The following PIEZO2 variants were observed in gnomAD, a reference collection of about 807,000 sequenced individuals.
PIEZO2 encodes the protein piezo type mechanosensitive ion channel component 2.
In PIEZO2, 172 loss-of-function variants were observed where a neutral mutation model predicts 337.3. The ratio of observed to expected loss-of-function variants is 0.51; its 90% CI spans 0.45 to 0.58. PIEZO2 has a LOEUF of 0.58. Among genes scored for constraint, PIEZO2 ranks in the 20% least tolerant of loss-of-function variants. PIEZO2 has a pLI of 0.00. For missense variants in PIEZO2, 3,028 were observed against 3,391.3 expected, an observed-to-expected ratio of 0.89 and a Z score of 2.66; for synonymous variants, 1,251 against 1,228.5, an observed-to-expected ratio of 1.02 and a Z score of -0.38.
At chr18:10,721,626 G>C (rs1213064219) in intron 36 of PIEZO2, among the ~76,000 whole-genome samples, 1 of 151,540 alleles carries the variant, frequency 6.6e-6, no homozygotes, top group Non-Finnish European at 1.5e-5. Context: ...AAATTAAAAC[G>C]AACTCTATAG....
intron 3 of PIEZO2, among the ~76,000 whole-genome samples, chr18:10,958,438 T>A (rs1164488911): frequency 6.6e-6 from 1 of 152,164 alleles, no homozygotes. Flanking sequence ...AAGTTTCAGT[T>A]AGACTGAAGA....
chr18:11,078,398 C>T lies in PIEZO2; in HGVS notation c.65-12176G>A, dbSNP rs72874227. ...CACGAAAAGAAATCAATTCAACTAA[C>T]TATAATGCAGTCCTATTTCTTCTAT... On this transcript the variant is annotated intron_variant, in intron 1 of 55. Coordinates refer to ENST00000674853, the MANE Select transcript of PIEZO2 (RefSeq NM_001378183.1). The surrounding 1 kb of genome is among the most constrained non-coding windows in gnomAD (Gnocchi z 5.3). Among the ~76,000 whole-genome samples, 13,769 of 152,236 alleles carry T rather than the reference C, an allele frequency of 0.09. 640 individuals are homozygous for T. Among genetic ancestry groups the T allele is most frequent in the Middle Eastern group, 0.15 (43 of 292 alleles).
At position 10,772,587 on chromosome 18, in the gene PIEZO2, C is replaced by T. The variant is rs536277548; in HGVS notation, c.2785+825G>A. On this transcript the variant is annotated intron_variant, in intron 20 of 55. Transcript: ENST00000674853. ...GGCACAAACCTTTGGAAGGGGTCTT[C>T]TTGCTACTTTTTTTGTTTTCTACTT... 9.5e-4 allele frequency among the ~76,000 whole-genome samples: 144 copies of T among 152,288 alleles called. 1 individual carries two copies. Among genetic ancestry groups the T allele is most frequent in the African/African-American group, 3.3e-3 (137 of 41,568 alleles).
At chr18:11,089,976 A>G (rs1223222835) in intron 1 of PIEZO2, among the ~76,000 whole-genome samples, 1 of 152,186 alleles carries the variant, frequency 6.6e-6, no homozygotes, top group Non-Finnish European at 1.5e-5. Context: ...GAAGAGCATA[A>G]GAGTGTAATC....
In PIEZO2 at chr18:10,801,395, A is replaced by G; in HGVS notation, c.1234T>C (p.Ser412Pro). 1.3e-6 allele frequency: 2 copies of G among 1,498,016 alleles called. No homozygotes were observed. The highest frequency in any genetic ancestry group is 1.8e-6 in the Non-Finnish European group (2 of 1,110,934). The allele number at this position is 1,498,016 out of a possible 1,614,324, so 92.8% of individuals were successfully genotyped here. ...LSMTQDDYKP[S>P]DGLLVTVNGN... is the part of the protein sequence containing the mutation. ...AATTCTAAGGGTATACTAACATCAGATGGTTTGTAGTCATCCTGGGTCATG... is the reference window on the plus strand; with the variant it reads ...AATTCTAAGGGTATACTAACATCAGGTGGTTTGTAGTCATCCTGGGTCATG... The change falls in exon 10 of 56, where the codon TCT becomes CCT. Residue 412 changes from serine to proline, a missense_variant. Coordinates refer to ENST00000674853, the MANE Select transcript of PIEZO2 (RefSeq NM_001378183.1).
rs542318218 is a variant in PIEZO2 at position 11,065,741 on chromosome 18, C to A, written c.160+386G>T. Among the ~76,000 whole-genome samples, 3 of 152,304 alleles carry A rather than the reference C, an allele frequency of 2.0e-5. No individual in the cohort carries two copies. In the South Asian group the frequency reaches 6.2e-4, roughly 32 times the overall value. ...CTCATAAATATCAAATGCTGCTCGG[C>A]CTCTTCCAGTTGCCACCACACTCTC... On this transcript the variant is annotated intron_variant, in intron 2 of 55. Coordinates refer to ENST00000674853, the MANE Select transcript of PIEZO2 (RefSeq NM_001378183.1).
chr18:10,731,585 C>T lies in PIEZO2; in HGVS notation c.4915-64G>A, dbSNP rs1164503669. 3 of 1,019,898 alleles carry T rather than the reference C, an allele frequency of 2.9e-6. No individual in the cohort carries two copies. In the Admixed American group the frequency reaches 1.0e-4, roughly 35 times the overall value. 63.2% of individuals were successfully genotyped at this position (1,019,898 alleles called of 1,614,324 possible). ...TAATTTGAAATAAAAGGGACCTACA[C>T]CAAGCTTCCTGACTTTTGAAATATT... On this transcript the variant is annotated intron_variant, in intron 35 of 55. Transcript: ENST00000674853.
At position 11,080,422 on chromosome 18, in the gene PIEZO2, C is replaced by T. The variant is rs1328970117; in HGVS notation, c.65-14200G>A. On this transcript the variant is annotated intron_variant, in intron 1 of 55. Transcript: ENST00000674853. The surrounding 1 kb of genome is among the most constrained non-coding windows in gnomAD (Gnocchi z 5.4). Reference sequence around the variant, plus strand: ...TACTTCCTTGATTAGACTGTAACCCCCTTAAGAGTAGGGCTTTGCCACTGC... The same window carrying T: ...TACTTCCTTGATTAGACTGTAACCCTCTTAAGAGTAGGGCTTTGCCACTGC... Among the ~76,000 whole-genome samples, 1 of 152,216 alleles carries T rather than the reference C, an allele frequency of 6.6e-6. No homozygotes were observed. Among genetic ancestry groups the T allele is most frequent in the Non-Finnish European group, 1.5e-5 (1 of 68,038 alleles).
At position 11,078,528 on chromosome 18, in the gene PIEZO2, G is replaced by A. The variant is rs751449775; in HGVS notation, c.65-12306C>T. On this transcript the variant is annotated intron_variant, in intron 1 of 55. Transcript: ENST00000674853. This position sits in a 1 kb window ranked among gnomAD's most constrained non-coding sequence, Gnocchi z 5.3. ...TGATGAATTTACTTTGACATTGTCT[G>A]CTTCTTCCTGGGAACATCCTCTTCC... Among the ~76,000 whole-genome samples, 34 of 152,146 alleles carry A rather than the reference G, an allele frequency of 2.2e-4. No homozygotes were observed. The highest frequency in any genetic ancestry group is 3.8e-4 in the Non-Finnish European group (26 of 68,034).
At position 10,784,894 on chromosome 18, in the gene PIEZO2, T is replaced by C; in HGVS notation, c.2382A>G (p.Pro794=). 2 of 1,537,536 alleles carry C rather than the reference T, an allele frequency of 1.3e-6. No homozygotes were observed. The highest frequency in any genetic ancestry group is 1.7e-6 in the Non-Finnish European group (2 of 1,146,962). ...VAELFTRIFI[P]TSFLLVCILH... ...AAATGCACACCAGCAGAAAGGAGGTTGGGATGAATATGCGAGTGAATAGTT... is the reference window on the plus strand; with the variant it reads ...AAATGCACACCAGCAGAAAGGAGGTCGGGATGAATATGCGAGTGAATAGTT... The change falls in exon 17 of 56, where the codon CCA becomes CCG. Residue 794 remains proline, a synonymous_variant. Transcript: ENST00000674853. This position sits in a 1 kb window ranked among gnomAD's most constrained non-coding sequence, Gnocchi z 4.5.
intron 1 of PIEZO2, among the ~76,000 whole-genome samples, chr18:11,124,266 C>T (rs540611772): frequency 1.3e-5 from 2 of 152,274 alleles, no homozygotes; most frequent in African/African-American, 2.4e-5. Context: ...GTAATCAGAT[C>T]GTTTGGCTAC....
rs985181086 is a variant in PIEZO2 at position 11,146,886 on chromosome 18, G to A, written c.64+1639C>T. Among the ~76,000 whole-genome samples, 10 of 152,190 alleles carry A rather than the reference G, an allele frequency of 6.6e-5. No individual in the cohort carries two copies. The highest frequency in any genetic ancestry group is 2.4e-4 in the African/African-American group (10 of 41,446). ...ACAGTGGCGAGGAGGACGGTGGATA[G>A]AGGGACTGGGAGGGAGCAGAGCGGC... On this transcript the variant is annotated intron_variant, in intron 1 of 55. Coordinates refer to ENST00000674853, the MANE Select transcript of PIEZO2 (RefSeq NM_001378183.1). The surrounding 1 kb of genome is among the most constrained non-coding windows in gnomAD (Gnocchi z 6.1).
chr18:11,138,033 T>C (rs1183696834), intron 1 of PIEZO2, among the ~76,000 whole-genome samples: 1 of 152,084 alleles, frequency 6.6e-6, no homozygotes, highest in Non-Finnish European at 1.5e-5. Context: ...GAGTATATAT[T>C]AGGCTGTTAT....
At chr18:11,018,012 A>T (rs1247855223) in intron 2 of PIEZO2, among the ~76,000 whole-genome samples, 4 of 152,166 alleles carry the variant, frequency 2.6e-5, no homozygotes, top group Admixed American at 2.6e-4. Flanking sequence ...ACAGAAATGT[A>T]TTGCCTCACT....
At chr18:10,786,392 C>T (rs188728657) in intron 16 of PIEZO2, among the ~76,000 whole-genome samples, 69 of 152,336 alleles carry the variant, frequency 4.5e-4, no homozygotes, top group Admixed American at 1.2e-3. Context: ...ATAGACACTT[C>T]AGCTGTGTTG....
At chr18:10,990,709 G>A (rs748453579) in intron 2 of PIEZO2, among the ~76,000 whole-genome samples, 5 of 150,342 alleles carry the variant, frequency 3.3e-5, no homozygotes, top group Non-Finnish European at 5.9e-5. Flanking sequence ...AAATATATAC[G>A]TGTACACACA....
At chr18:10,797,247 C>A in intron 12 of PIEZO2, 127 bp downstream of exon 12, 1 of 713,314 alleles carries the variant, frequency 1.4e-6, no homozygotes, top group South Asian at 2.2e-5. Flanking sequence ...CATGTCATAT[C>A]ATACATACCA....
At position 10,715,794 on chromosome 18, in the gene PIEZO2, A is replaced by G; in HGVS notation, c.5112T>C (p.Phe1704=). 6.5e-7 allele frequency: 1 copy of G among 1,531,062 alleles called. No individual in the cohort carries two copies. Among genetic ancestry groups the G allele is most frequent in the Non-Finnish European group, 8.8e-7 (1 of 1,142,310 alleles). 94.8% of individuals were successfully genotyped at this position (1,531,062 alleles called of 1,614,324 possible). A position where few individuals can be genotyped will look rare whatever the true frequency, so the allele number is the denominator to read the frequency against. The part of the protein sequence containing the change: ...DGPDNIIKRI[F]NILKFTWVLF... ...GGACCCAGGTAAATTTCAAAATATT[A>G]AATATCCTCTTGATGATATTATCTA... The change falls in exon 38 of 56, where the codon TTT becomes TTC. Residue 1704 remains phenylalanine (F), a synonymous_variant. Coordinates refer to ENST00000674853, the MANE Select transcript of PIEZO2 (RefSeq NM_001378183.1).
rs560879934 is a variant in PIEZO2, at chr18:10,887,409, TATCAC to T, written c.330-15999_330-15995del. 1.7e-3 allele frequency among the ~76,000 whole-genome samples: 252 copies of T among 152,144 alleles called. 1 individual carries two copies. The highest frequency in any genetic ancestry group is 2.9e-3 in the Non-Finnish European group (195 of 67,986). On this transcript the variant is annotated intron_variant, in intron 4 of 55. Transcript: ENST00000674853. ...ATGACCAGATCTACTGAGAACTTGC[TATCAC>T]AAAGACAGCACCAAGCCACGGAGAG...
Sources: allele counts gnomAD v4.1 joint callset (sites outside exome capture counted in the v4.1 genomes callset), GRCh38; gene constraint gnomAD v4.1.1; non-coding constraint Gnocchi (gnomAD v3.1); transcripts MANE v1.5; gene names NCBI Gene and HGNC (gene_info 2026-07-23, HGNC 2026-07-21).